SPATA6: variants seen among roughly 807,000 people sequenced by gnomAD.
SPATA6 encodes the protein spermatogenesis associated 6, also known as spermatogenesis-associated protein 6.
In SPATA6, 56 loss-of-function variants were observed where a neutral mutation model predicts 65.3. The ratio of observed to expected loss-of-function variants is 0.86; its 90% CI spans 0.69 to 1.07. The LOEUF (loss-of-function observed/expected upper bound fraction) is 1.07. Ranked by LOEUF, SPATA6 falls within the 50% of genes least tolerant of loss-of-function variation. The pLI is 0.00. For missense variants in SPATA6, 590 were observed against 594.8 expected, an observed-to-expected ratio of 0.99 and a Z score of 0.08; for synonymous variants, 199 against 213.2, an observed-to-expected ratio of 0.93 and a Z score of 0.58.
intron 9 of SPATA6, among the ~76,000 whole-genome samples, chr1:48,367,897 T>A (rs12119974): frequency 0.078 from 11,804 of 152,290 alleles, 617 homozygotes; most frequent in East Asian, 0.23. Context: ...GCCTTCATGA[T>A]CTTTATAATT....
chr1:48,455,188 T>G (rs544324225), intron 1 of SPATA6, among the ~76,000 whole-genome samples: 11 of 152,256 alleles, frequency 7.2e-5, no homozygotes, highest in Admixed American at 7.2e-4. Flanking sequence ...ACTAGCCAAT[T>G]ACGCCCAGAG....
At chr1:48,336,435 A>G (rs1215649294) in intron 11 of SPATA6, among the ~76,000 whole-genome samples, 1 of 152,092 alleles carries the variant, frequency 6.6e-6, no homozygotes, top group Non-Finnish European at 1.5e-5. Flanking sequence ...CATACCATGG[A>G]ATACTACGCA....
intron 5 of SPATA6, among the ~76,000 whole-genome samples, chr1:48,405,279 T>G (rs945058001): frequency 2.0e-5 from 3 of 152,208 alleles, no homozygotes; most frequent in Non-Finnish European, 4.4e-5. Context: ...ATCTGTGATA[T>G]CCACTATATC....
chr1:48,266,165 T>C, the SPATA6 span, among the ~76,000 whole-genome samples: 3 of 152,190 alleles, frequency 2.0e-5, no homozygotes, highest in Non-Finnish European at 4.4e-5. Flanking sequence ...TTTGGAGCTA[T>C]TCACAAACAT....
At chr1:48,384,935 A>G (rs1489635882) in intron 9 of SPATA6, among the ~76,000 whole-genome samples, 1 of 152,238 alleles carries the variant, frequency 6.6e-6, no homozygotes, top group African/African-American at 2.4e-5. Context: ...AAATACTACA[A>G]AAGTTATACA....
chr1:48,322,793 T>A (rs1645636509), intron 11 of SPATA6, among the ~76,000 whole-genome samples: 1 of 152,220 alleles, frequency 6.6e-6, no homozygotes, highest in Non-Finnish European at 1.5e-5. Flanking sequence ...AAGAAGACAT[T>A]TATGCAGCCA....
intron 9 of SPATA6, among the ~76,000 whole-genome samples, chr1:48,366,919 T>C (rs1187203455): frequency 6.6e-6 from 1 of 152,236 alleles, no homozygotes; most frequent in African/African-American, 2.4e-5. Flanking sequence ...TCCTGCTTTG[T>C]CTTGTGGGCA....
At chr1:48,277,258 G>T in the SPATA6 span, among the ~76,000 whole-genome samples, 2 of 152,184 alleles carry the variant, frequency 1.3e-5, no homozygotes, top group South Asian at 4.1e-4. Flanking sequence ...CGATGCAGAA[G>T]ATGGGTGATT....
chr1:48,357,979 G>C (rs1646704294), intron 10 of SPATA6, among the ~76,000 whole-genome samples: 1 of 152,018 alleles, frequency 6.6e-6, no homozygotes, highest in African/African-American at 2.4e-5. Flanking sequence ...TCAAGTTATA[G>C]TTAAATTAGG....
chr1:48,455,949 C>T (rs1044351664), intron 1 of SPATA6, among the ~76,000 whole-genome samples: 3 of 152,084 alleles, frequency 2.0e-5, no homozygotes, highest in Non-Finnish European at 4.4e-5. Flanking sequence ...TCAGATGGGA[C>T]AAACAGAAAA....
chr1:48,445,523 G>A (rs1432428286), intron 3 of SPATA6, among the ~76,000 whole-genome samples: 1 of 151,964 alleles, frequency 6.6e-6, no homozygotes, highest in Non-Finnish European at 1.5e-5. Context: ...AGCCGGGCGT[G>A]GTGGCAGGCG....
the SPATA6 span, among the ~76,000 whole-genome samples, chr1:48,283,678 C>A: frequency 4.5e-3 from 273 of 60,800 alleles, 2 homozygotes; most frequent in Middle Eastern, 0.016. Flanking sequence ...GACTCCGTCT[C>A]AAAAAAAAAA....
chr1:48,462,183 G>A (rs1310104308), intron 1 of SPATA6, among the ~76,000 whole-genome samples: 1 of 151,846 alleles, frequency 6.6e-6, no homozygotes, highest in African/African-American at 2.4e-5. Context: ...ATCACACTCT[G>A]GGGACTGTTG....
At chr1:48,322,569 C>T (rs781088461) in intron 11 of SPATA6, among the ~76,000 whole-genome samples, 8 of 152,124 alleles carry the variant, frequency 5.3e-5, no homozygotes, top group South Asian at 2.1e-4. Context: ...ATAGACAAAT[C>T]GCATCTAATT....
chr1:48,443,659 G>A (rs1486645298), intron 3 of SPATA6, among the ~76,000 whole-genome samples: 1 of 152,146 alleles, frequency 6.6e-6, no homozygotes, highest in African/African-American at 2.4e-5. Context: ...TAACCAGTCA[G>A]GGATAGTATG....
chr1:48,457,200 CAT>C (rs1181265119), intron 1 of SPATA6, among the ~76,000 whole-genome samples: 1 of 152,078 alleles, frequency 6.6e-6, no homozygotes, highest in Non-Finnish European at 1.5e-5. Context: ...GGGAGGCCCA[CAT>C]GAGTGGATCT....
intron 8 of SPATA6, among the ~76,000 whole-genome samples, chr1:48,394,273 A>G (rs1650360750): frequency 6.6e-6 from 1 of 152,120 alleles, no homozygotes; most frequent in African/African-American, 2.4e-5. Flanking sequence ...AGAAACCACA[A>G]CAGTTCTGCT....
chr1:48,454,347 C>T (rs1193542270), intron 1 of SPATA6, among the ~76,000 whole-genome samples: 1 of 152,026 alleles, frequency 6.6e-6, no homozygotes, highest in African/African-American at 2.4e-5. Context: ...TATAATGTAA[C>T]ATAATATAAT....
At chr1:48,467,832 A>G (rs930954162) in intron 1 of SPATA6, among the ~76,000 whole-genome samples, 5 of 152,198 alleles carry the variant, frequency 3.3e-5, no homozygotes, top group African/African-American at 1.2e-4. Context: ...AATCAAAAAT[A>G]TAATAAGATA....
Sources: gnomAD v4.1 joint callset for allele counts (sites outside exome capture counted in the v4.1 genomes callset) on GRCh38, gnomAD v4.1.1 for gene constraint, MANE v1.5 for transcripts, NCBI Gene and HGNC (gene_info 2026-07-23, HGNC 2026-07-21) for gene names.